Variants in CXCL13 observed in about 807,000 individuals in gnomAD.
CXCL13 encodes the protein C-X-C motif chemokine 13.
A neutral mutation model predicts 12.2 loss-of-function variants in CXCL13; 7 were observed. The observed-to-expected ratio is 0.57, with a 90% CI of 0.33 to 1.07. The LOEUF (loss-of-function observed/expected upper bound fraction) is 1.07, where lower values mean the gene tolerates loss of function less well. Among genes scored for constraint, CXCL13 ranks in the 50% least tolerant of loss-of-function variants. The probability of loss-of-function intolerance (pLI) is 0.04; values close to 1 mark genes in which losing one functional copy is unlikely to be tolerated. For synonymous variants in CXCL13, 47 were observed against 42.4 expected (o/e 1.11, Z -0.42); for missense variants, 113 against 127.4 (o/e 0.89, Z 0.55).
intron 1 of CXCL13, among the ~76,000 whole-genome samples, chr4:77,599,432 A>C (rs1006245830): frequency 6.6e-6 from 1 of 152,216 alleles, no homozygotes; most frequent in Admixed American, 6.5e-5. Flanking sequence ...AAATCTGTAC[A>C]TGTTCAGAAC....
intron 1 of CXCL13, among the ~76,000 whole-genome samples, chr4:77,580,308 C>CTTTTCTTTTTTT (rs1726291310): frequency 5.7e-5 from 1 of 17,628 alleles, no homozygotes; most frequent in Non-Finnish European, 1.1e-4. Context: ...AGTTTTCTTT[C>CTTTTCTTTTTTT]TTTTTTTTTT....
intron 1 of CXCL13, among the ~76,000 whole-genome samples, chr4:77,599,781 G>C (rs76383596): frequency 6.6e-6 from 1 of 152,190 alleles, no homozygotes; most frequent in African/African-American, 2.4e-5. Context: ...GTTTTGAGAA[G>C]ATGGTTCTGG....
intron 1 of CXCL13, among the ~76,000 whole-genome samples, chr4:77,572,905 T>C (rs1726122046): frequency 6.6e-6 from 1 of 150,942 alleles, no homozygotes; most frequent in Non-Finnish European, 1.5e-5. Flanking sequence ...TATGCAGCCA[T>C]AAAAAAGAAT....
intron 1 of CXCL13, among the ~76,000 whole-genome samples, chr4:77,547,900 C>G (rs1725412468): frequency 6.6e-6 from 1 of 152,056 alleles, no homozygotes; most frequent in African/African-American, 2.4e-5. Context: ...TTAGTGCTTC[C>G]TTCAGGAGCT....
chr4:77,609,867 G>T (rs1727103373), intron 2 of CXCL13, among the ~76,000 whole-genome samples: 1 of 152,174 alleles, frequency 6.6e-6, no homozygotes, highest in Admixed American at 6.6e-5. Context: ...TATTTGTTGT[G>T]CAATCTTGAA....
At chr4:77,609,322 T>C (rs906503140) in intron 2 of CXCL13, among the ~76,000 whole-genome samples, 1 of 151,924 alleles carries the variant, frequency 6.6e-6, no homozygotes, top group Non-Finnish European at 1.5e-5. Flanking sequence ...TTTTGTTTTG[T>C]TTTGTTTTGA....
chr4:77,546,110 G>A (rs935774955), intron 1 of CXCL13, among the ~76,000 whole-genome samples: 1 of 152,192 alleles, frequency 6.6e-6, no homozygotes, highest in African/African-American at 2.4e-5. Flanking sequence ...ACTTGATCGT[G>A]TTGGATAGGC....
At chr4:77,554,805 GT>G (rs2109809012) in intron 1 of CXCL13, among the ~76,000 whole-genome samples, 1 of 152,114 alleles carries the variant, frequency 6.6e-6, no homozygotes, top group South Asian at 2.1e-4. Context: ...ATCCACAAAT[GT>G]TTGGAGATTA....
At chr4:77,582,394 G>A (rs1239357856) in intron 1 of CXCL13, among the ~76,000 whole-genome samples, 2 of 152,212 alleles carry the variant, frequency 1.3e-5, no homozygotes, top group Non-Finnish European at 2.9e-5. Context: ...GACCTAGATC[G>A]GGTAGGCAGT....
upstream of CXCL13, among the ~76,000 whole-genome samples, chr4:77,603,216 T>C (rs1396332153): frequency 6.6e-6 from 1 of 152,234 alleles, no homozygotes; most frequent in Non-Finnish European, 1.5e-5. Flanking sequence ...GTAAAACTTC[T>C]ATACTTGGGT....
At chr4:77,575,037 T>G (rs559306299) in intron 1 of CXCL13, among the ~76,000 whole-genome samples, 1 of 152,028 alleles carries the variant, frequency 6.6e-6, no homozygotes, top group Admixed American at 6.5e-5. Flanking sequence ...TTGTAAAAAT[T>G]AGCTTGCAAA....
chr4:77,610,454 A>AC (rs1348960193), intron 2 of CXCL13, among the ~76,000 whole-genome samples, 160 bp from the exon 3 acceptor site: 6 of 152,124 alleles, frequency 3.9e-5, no homozygotes, highest in African/African-American at 1.4e-4. Context: ...TATTCCTCTG[A>AC]CCCCATACTA....
intron 1 of CXCL13, among the ~76,000 whole-genome samples, chr4:77,530,575 G>A (rs1290892657): frequency 1.3e-5 from 2 of 152,122 alleles, no homozygotes; most frequent in East Asian, 1.9e-4. Flanking sequence ...GGTGTTTATA[G>A]TATTCTCTGA....
chr4:77,536,235 A>T (rs1321630138), intron 1 of CXCL13, among the ~76,000 whole-genome samples: 1 of 152,202 alleles, frequency 6.6e-6, no homozygotes, highest in Non-Finnish European at 1.5e-5. Flanking sequence ...TTGACGATGT[A>T]AAGTAGATGG....
intron 1 of CXCL13, among the ~76,000 whole-genome samples, chr4:77,574,693 G>A (rs1355767747): frequency 6.6e-6 from 1 of 151,926 alleles, no homozygotes; most frequent in Non-Finnish European, 1.5e-5. Flanking sequence ...AGTCTTGGAG[G>A]AACATTCTTG....
At chr4:77,583,079 A>G (rs1257052483) in intron 1 of CXCL13, among the ~76,000 whole-genome samples, 1 of 152,206 alleles carries the variant, frequency 6.6e-6, no homozygotes, top group South Asian at 2.1e-4. Flanking sequence ...CAAACTGAAT[A>G]ATCTAACTGT....
chr4:77,543,285 A>G (rs1725251948), intron 1 of CXCL13, among the ~76,000 whole-genome samples: 1 of 151,754 alleles, frequency 6.6e-6, no homozygotes, highest in Non-Finnish European at 1.5e-5. Context: ...GTGTCTATCA[A>G]TCTTGTTGAT....
intron 1 of CXCL13, among the ~76,000 whole-genome samples, chr4:77,586,164 A>C (rs375201491): frequency 6.6e-6 from 1 of 152,038 alleles, no homozygotes; most frequent in African/African-American, 2.4e-5. Context: ...CCTGAATCTC[A>C]GTGACCATAT....
At chr4:77,528,548 A>G (rs1724828982) in intron 1 of CXCL13, among the ~76,000 whole-genome samples, 1 of 152,136 alleles carries the variant, frequency 6.6e-6, no homozygotes, top group Non-Finnish European at 1.5e-5. Context: ...GCATTTTTTC[A>G]TGTGGCTTTT....
Sources: allele counts gnomAD v4.1 joint callset (sites outside exome capture counted in the v4.1 genomes callset), GRCh38; gene constraint gnomAD v4.1.1; transcripts MANE v1.5; gene names NCBI Gene and HGNC (gene_info 2026-07-23, HGNC 2026-07-21).